Variants in EPB41L3 observed in about 807,000 individuals in gnomAD.
EPB41L3 encodes erythrocyte membrane protein band 4.1 like 3, also known as band 4.1-like protein 3.
A neutral mutation model predicts 127.1 loss-of-function variants in EPB41L3; 57 were observed. The ratio of observed to expected loss-of-function variants is 0.45; its 90% CI spans 0.36 to 0.56. The LOEUF (loss-of-function observed/expected upper bound fraction) is 0.56. Ranked by LOEUF, EPB41L3 falls within the 20% of genes least tolerant of loss-of-function variation. EPB41L3 has a pLI of 0.00. For missense variants in EPB41L3, 1,273 were observed against 1,372.2 expected, an observed-to-expected ratio of 0.93 and a Z score of 1.14; for synonymous variants, 572 against 549.5, an observed-to-expected ratio of 1.04 and a Z score of -0.57.
chr18:5,555,628 G>T (rs2094023060), intron 3 of EPB41L3, among the ~76,000 whole-genome samples: 1 of 152,018 alleles, frequency 6.6e-6, no homozygotes, highest in South Asian at 2.1e-4. Context: ...CAAGCCCTTT[G>T]TACTTCACCT....
At chr18:5,578,677 T>G (rs191955049) in intron 3 of EPB41L3, among the ~76,000 whole-genome samples, 269 of 152,310 alleles carry the variant, frequency 1.8e-3, no homozygotes, top group African/African-American at 6.3e-3. Context: ...AGTAGTCAGA[T>G]AAATGTAAAT....
chr18:5,612,387 G>C (rs2094737173), exon 3 of EPB41L3: 1 of 152,254 alleles, frequency 6.6e-6, no homozygotes, highest in South Asian at 2.1e-4. Flanking sequence ...CACAGCCTCA[G>C]GGGATCTGTC....
chr18:5,415,178 G>A (rs1237230809), intron 13 of EPB41L3, among the ~76,000 whole-genome samples: 2 of 152,180 alleles, frequency 1.3e-5, no homozygotes, highest in Non-Finnish European at 2.9e-5. Flanking sequence ...GTTGCTTCTG[G>A]GCTTGTTTCT....
chr18:5,534,110 C>A (rs2093497960), intron 1 of EPB41L3, among the ~76,000 whole-genome samples: 1 of 152,180 alleles, frequency 6.6e-6, no homozygotes, highest in African/African-American at 2.4e-5. Context: ...TGGCAGTGAG[C>A]CGAGATCTCG....
chr18:5,513,119 T>C (rs1412865949), intron 1 of EPB41L3, among the ~76,000 whole-genome samples: 3 of 152,188 alleles, frequency 2.0e-5, no homozygotes, highest in African/African-American at 4.8e-5. Context: ...TTCTCCTCTT[T>C]CCAGGCACAT....
intron 1 of EPB41L3, among the ~76,000 whole-genome samples, chr18:5,522,659 C>T (rs2093042681): frequency 6.6e-6 from 1 of 152,144 alleles, no homozygotes; most frequent in African/African-American, 2.4e-5. Flanking sequence ...TCAGAGAACA[C>T]ACTGAATGTT....
intron 3 of EPB41L3, among the ~76,000 whole-genome samples, chr18:5,461,077 A>C (rs185516976): frequency 6.6e-6 from 1 of 152,170 alleles, no homozygotes; most frequent in Admixed American, 6.5e-5. Context: ...ACTATTAAAG[A>C]AAGTTTTGTA....
chr18:5,623,233 C>G (rs1184641508), intron 1 of EPB41L3, among the ~76,000 whole-genome samples: 1 of 152,068 alleles, frequency 6.6e-6, no homozygotes, highest in Non-Finnish European at 1.5e-5. Context: ...AACATCTTTT[C>G]CATTTTGTAA....
intron 3 of EPB41L3, among the ~76,000 whole-genome samples, chr18:5,475,683 C>G (rs901359947): frequency 6.6e-6 from 1 of 152,190 alleles, no homozygotes; most frequent in East Asian, 1.9e-4. Context: ...TGTACTTGAT[C>G]CCTTTTATCA....
intron 1 of EPB41L3, among the ~76,000 whole-genome samples, chr18:5,531,653 G>T: frequency 6.7e-6 from 1 of 149,832 alleles, no homozygotes; most frequent in East Asian, 2.0e-4. Flanking sequence ...AACCTGGGAG[G>T]TGGAGGTAGA....
At chr18:5,410,537 T>TACCAGCC in intron 14 of EPB41L3, 29 bp downstream of exon 14, 1 of 1,597,648 alleles carries the variant, frequency 6.3e-7, no homozygotes, top group Non-Finnish European at 8.6e-7. Context: ...GGTATGCCAC[T>TACCAGCC]ACCAGCCACT....
intron 10 of EPB41L3, among the ~76,000 whole-genome samples, chr18:5,423,794 G>C (rs1252146189): frequency 1.3e-5 from 2 of 152,150 alleles, no homozygotes; most frequent in African/African-American, 4.8e-5. Flanking sequence ...AACATTCCAC[G>C]CAAAGTGGAC....
At chr18:5,536,385 G>A (rs188931034) in intron 1 of EPB41L3, among the ~76,000 whole-genome samples, 1 of 150,916 alleles carries the variant, frequency 6.6e-6, no homozygotes, top group Non-Finnish European at 1.5e-5. Flanking sequence ...TTAAGGTAAT[G>A]ATCCTTTATC....
intron 1 of EPB41L3, among the ~76,000 whole-genome samples, chr18:5,507,608 T>G (rs1256615132): frequency 6.6e-6 from 1 of 152,244 alleles, no homozygotes; most frequent in African/African-American, 2.4e-5. Flanking sequence ...ACCTTAACAT[T>G]GTTGACTACA....
At chr18:5,512,499 G>A (rs2092575045) in intron 1 of EPB41L3, among the ~76,000 whole-genome samples, 1 of 152,164 alleles carries the variant, frequency 6.6e-6, no homozygotes, top group African/African-American at 2.4e-5. Context: ...TGCACATTAG[G>A]AGCAATGGAG....
chr18:5,425,408 G>C (rs2078035052), intron 9 of EPB41L3, among the ~76,000 whole-genome samples: 1 of 152,170 alleles, frequency 6.6e-6, no homozygotes, highest in African/African-American at 2.4e-5. Context: ...AAGGGACTCA[G>C]CCAAGACAGA....
intron 3 of EPB41L3, among the ~76,000 whole-genome samples, chr18:5,463,172 T>G (rs889972132): frequency 6.6e-6 from 1 of 152,220 alleles, no homozygotes; most frequent in Non-Finnish European, 1.5e-5. Flanking sequence ...TTCTTTACAA[T>G]AGAGCTGACT....
upstream of EPB41L3, chr18:5,630,488 G>C (rs746067918): frequency 3.9e-6 from 2 of 518,624 alleles, no homozygotes; most frequent in Non-Finnish European, 7.7e-6. Context: ...AGGTAGGGCT[G>C]CTCACAGGTC....
At chr18:5,499,698 C>T (rs146216365) in intron 1 of EPB41L3, among the ~76,000 whole-genome samples, 3,015 of 151,708 alleles carry the variant, frequency 0.02, 97 homozygotes, top group African/African-American at 0.068. Context: ...ACCTGGGAGG[C>T]GGAGCTTGCA....
Sources: gnomAD v4.1 joint callset for allele counts (sites outside exome capture counted in the v4.1 genomes callset) on GRCh38, gnomAD v4.1.1 for gene constraint, MANE v1.5 for transcripts, NCBI Gene and HGNC (gene_info 2026-07-23, HGNC 2026-07-21) for gene names.